The following AFF3 variants were observed in gnomAD, a reference collection of about 807,000 sequenced individuals.
The protein encoded by AFF3 is ALF transcription elongation factor 3.
In AFF3, 32 loss-of-function variants were observed where a neutral mutation model predicts 129.7. The ratio of observed to expected loss-of-function variants is 0.25; its 90% confidence interval spans 0.19 to 0.33. The LOEUF is 0.33. AFF3 is among the 10% of genes least tolerant of loss of function. The pLI, the probability that AFF3 is intolerant of heterozygous loss-of-function variation, is 1.00. For missense variants in AFF3, 1,373 were observed against 1,592.0 expected, an observed-to-expected ratio of 0.86 and a Z score of 2.34; for synonymous variants, 644 against 635.4, an observed-to-expected ratio of 1.01 and a Z score of -0.20.
chr2:100,103,294 CAT>C (rs1412548672), intron 4 of AFF3, among the ~76,000 whole-genome samples: 2 of 151,360 alleles, frequency 1.3e-5, no homozygotes, highest in Admixed American at 6.6e-5. Context: ...GTTTTAGACA[CAT>C]GTGAACTCTT....
intron 7 of AFF3, among the ~76,000 whole-genome samples, chr2:99,849,551 C>T (rs1689989691): frequency 6.6e-6 from 1 of 152,116 alleles, no homozygotes; most frequent in South Asian, 2.1e-4. Context: ...GTAACAGCAC[C>T]TACGAAATGT....
chr2:100,034,123 T>G (rs919870126), intron 4 of AFF3, among the ~76,000 whole-genome samples: 2 of 152,208 alleles, frequency 1.3e-5, no homozygotes, highest in African/African-American at 4.8e-5. Flanking sequence ...ACTGACATAT[T>G]AGCATTGACA....
chr2:99,972,028 C>A (rs1351408747), intron 7 of AFF3, among the ~76,000 whole-genome samples: 4 of 152,194 alleles, frequency 2.6e-5, no homozygotes, highest in Non-Finnish European at 4.4e-5. Context: ...AGCCAGAGTC[C>A]TTCTCAGCAT....
Position 99,840,392 on chromosome 2 carries a change from G to A in AFF3, c.874-2868C>T, listed in dbSNP as rs552026893. On this transcript the variant is annotated intron_variant, in intron 7 of 24. Coordinates refer to ENST00000672756, the MANE Select transcript of AFF3 (RefSeq NM_001386135.1). Reference sequence around the variant, plus strand: ...CTTGTGGATTATTTGGTGAATTTTCGTTAAAACAGGAATGTTATCTTTTTG... The same window carrying A: ...CTTGTGGATTATTTGGTGAATTTTCATTAAAACAGGAATGTTATCTTTTTG... 4.9e-4 allele frequency among the ~76,000 whole-genome samples: 75 copies of A among 152,190 alleles called. 1 individual carries two copies. The highest frequency in any genetic ancestry group is 3.4e-3 in the Middle Eastern group (1 of 294).
chr2:99,841,720 T>C (rs1026082941), intron 7 of AFF3, among the ~76,000 whole-genome samples: 1 of 152,174 alleles, frequency 6.6e-6, no homozygotes, highest in African/African-American at 2.4e-5. Context: ...CAGATGGAGA[T>C]GCCATGGCTC....
At chr2:99,854,430 C>T (rs1576193442) in intron 7 of AFF3, among the ~76,000 whole-genome samples, 1 of 152,160 alleles carries the variant, frequency 6.6e-6, no homozygotes, top group East Asian at 1.9e-4. Context: ...TCTCGTCTGT[C>T]TTTAGCAACC....
At chr2:99,854,369 C>T (rs944417163) in intron 7 of AFF3, among the ~76,000 whole-genome samples, 2 of 152,106 alleles carry the variant, frequency 1.3e-5, no homozygotes, top group African/African-American at 4.8e-5. Flanking sequence ...ACTTGGCATT[C>T]CTCTGTCTGT....
At position 99,720,916 on chromosome 2, in the gene AFF3, G is replaced by C. The variant is rs913382660; in HGVS notation, c.1091+6161C>G. 4.6e-5 allele frequency among the ~76,000 whole-genome samples: 7 copies of C among 152,172 alleles called. No individual in the cohort carries two copies. In the South Asian group the frequency reaches 6.2e-4, roughly 14 times the overall value. ...CATAAAATGTAAAAACTTTGCAGTTGTGTAGAATTCCACTTGCCTTCCCTT... is the reference window on the plus strand; with the variant it reads ...CATAAAATGTAAAAACTTTGCAGTTCTGTAGAATTCCACTTGCCTTCCCTT... On this transcript the variant is annotated intron_variant, in intron 11 of 24. Coordinates refer to ENST00000672756, the MANE Select transcript of AFF3 (RefSeq NM_001386135.1).
At chr2:99,695,938 G>GAAAAAAAAA (rs10719354) in intron 11 of AFF3, among the ~76,000 whole-genome samples, 55 of 57,638 alleles carry the variant, frequency 9.5e-4, no homozygotes, top group East Asian at 1.3e-3. Flanking sequence ...CTGGAAAAAT[G>GAAAAAAAAA]AAAAAAAAAA....
At chr2:99,919,825 CTGA>C (rs1321716091) in intron 7 of AFF3, among the ~76,000 whole-genome samples, 1 of 151,794 alleles carries the variant, frequency 6.6e-6, no homozygotes, top group African/African-American at 2.4e-5. Flanking sequence ...TTTGGCAACA[CTGA>C]TGAAGATTTT....
chr2:99,575,081 G>A (rs951054955), intron 18 of AFF3, among the ~76,000 whole-genome samples: 2 of 152,132 alleles, frequency 1.3e-5, no homozygotes, highest in African/African-American at 2.4e-5. Flanking sequence ...CTGAAGAACT[G>A]AGAATTAATT....
chr2:99,587,766 CT>C (rs1247599198), intron 15 of AFF3, among the ~76,000 whole-genome samples: 4 of 152,222 alleles, frequency 2.6e-5, no homozygotes, highest in African/African-American at 9.6e-5. Context: ...AATCCCAGCA[CT>C]TTGGGAGGCC....
Position 99,594,002 on chromosome 2 carries a change from G to A in AFF3, c.1659C>T (p.Ala553=), listed in dbSNP as rs1323577595. ...CGGCTGCGCTCACCGCCACGGCCAC[G>A]GCCGCGGGCGGGGACTTCTGCTTCA... ...KGVKQKSPPA[A]VAVAVSAAAP... is the part of the protein sequence containing the mutation. Residue 553 remains alanine, a synonymous_variant, in exon 15 of 25, where the codon GCC becomes GCT. Transcript: ENST00000672756. 1 of 1,549,542 alleles carries A rather than the reference G, an allele frequency of 6.5e-7. No homozygotes were observed. Among genetic ancestry groups the A allele is most frequent in the South Asian group, 1.2e-5 (1 of 80,808 alleles).
chr2:99,750,520 T>C (rs1427823631), intron 9 of AFF3, among the ~76,000 whole-genome samples: 1 of 151,172 alleles, frequency 6.6e-6, no homozygotes. Context: ...GCTTAAGTGA[T>C]CCTCCTGCTA....
At chr2:99,569,039 G>T in intron 18 of AFF3, 124 bp from the exon 19 acceptor site, 1 of 915,122 alleles carries the variant, frequency 1.1e-6, no homozygotes, top group Non-Finnish European at 1.7e-6. Flanking sequence ...GGAATTAAGT[G>T]TGTTTTTTGC....
chr2:99,834,196 G>C (rs997131848), intron 8 of AFF3, among the ~76,000 whole-genome samples: 1 of 152,156 alleles, frequency 6.6e-6, no homozygotes, highest in Non-Finnish European at 1.5e-5. Flanking sequence ...TCTTCATCTA[G>C]TAAGTCAGTA....
At chr2:100,016,620 A>ATGGTGG (rs1230442861) in intron 4 of AFF3, among the ~76,000 whole-genome samples, 1 of 64,402 alleles carries the variant, frequency 1.6e-5, no homozygotes, top group Non-Finnish European at 3.3e-5. Flanking sequence ...GGTAATGGTG[A>ATGGTGG]TGGTGGTGGT....
intron 4 of AFF3, among the ~76,000 whole-genome samples, chr2:100,015,047 G>A (rs1445331453): frequency 2.1e-5 from 3 of 146,098 alleles, no homozygotes; most frequent in Non-Finnish European, 3.0e-5. Context: ...CTCATGATCC[G>A]CCTGCCTTGG....
chr2:99,709,968 C>A (rs888407918), intron 11 of AFF3, among the ~76,000 whole-genome samples: 3 of 152,236 alleles, frequency 2.0e-5, no homozygotes, highest in African/African-American at 7.2e-5. Flanking sequence ...TAGTCTGAGG[C>A]AGTGAGGAAA....
Sources: allele counts gnomAD v4.1 joint callset (sites outside exome capture counted in the v4.1 genomes callset), GRCh38; gene constraint gnomAD v4.1.1; transcripts MANE v1.5; gene names NCBI Gene and HGNC (gene_info 2026-07-23, HGNC 2026-07-21).